Variants in GBE1 observed in about 807,000 individuals in gnomAD.
GBE1 encodes the protein 1,4-alpha-glucan branching enzyme 1, also known as 1,4-alpha-glucan-branching enzyme.
In GBE1, 70 loss-of-function variants were observed where a neutral mutation model predicts 88.8. The observed-to-expected ratio is 0.79, with a 90% CI of 0.65 to 0.96. GBE1 has a LOEUF of 0.96. GBE1 is among the 40% of genes least tolerant of loss of function. The pLI is 0.00. For synonymous variants in GBE1, 284 were observed against 300.1 expected, an observed-to-expected ratio of 0.95 and a Z score of 0.56; for missense variants, 872 against 871.0, an observed-to-expected ratio of 1.00 and a Z score of -0.01.
At chr3:81,596,876 T>C (rs1021407677) in intron 7 of GBE1, among the ~76,000 whole-genome samples, 1 of 151,946 alleles carries the variant, frequency 6.6e-6, no homozygotes, top group Non-Finnish European at 1.5e-5. Flanking sequence ...GTCTTTGAAA[T>C]AGAGCAAGCT....
chr3:81,705,998 CA>C (rs777141536), intron 1 of GBE1, among the ~76,000 whole-genome samples: 1 of 152,054 alleles, frequency 6.6e-6, no homozygotes, highest in Non-Finnish European at 1.5e-5. Context: ...AGTCAAAATT[CA>C]GCAAGAAAAA....
At chr3:81,575,866 G>C (rs998521220) in intron 12 of GBE1, among the ~76,000 whole-genome samples, 2 of 152,098 alleles carry the variant, frequency 1.3e-5, no homozygotes, top group Non-Finnish European at 2.9e-5. Flanking sequence ...TACATGGGAA[G>C]GTAGCCTTGT....
intron 14 of GBE1, among the ~76,000 whole-genome samples, chr3:81,501,686 C>CTTTTTTTTTTTTT (rs35149061): frequency 5.6e-5 from 4 of 71,994 alleles, no homozygotes; most frequent in African/African-American, 1.8e-4. Flanking sequence ...CTTAGGGGCA[C>CTTTTTTTTTTTTT]TTTTTTTTTT....
At chr3:81,626,554 C>A (rs559116903) in intron 7 of GBE1, among the ~76,000 whole-genome samples, 1 of 151,822 alleles carries the variant, frequency 6.6e-6, no homozygotes. Context: ...ACACTGAGGA[C>A]CAGAAAATAA....
intron 2 of GBE1, among the ~76,000 whole-genome samples, chr3:81,684,039 G>A (rs964550351): frequency 1.2e-4 from 19 of 152,188 alleles, no homozygotes; most frequent in African/African-American, 4.1e-4. Context: ...GTTATGGATT[G>A]TCCTTAGTGC....
intron 2 of GBE1, among the ~76,000 whole-genome samples, chr3:81,683,853 A>C (rs1705393815): frequency 6.6e-6 from 1 of 152,196 alleles, no homozygotes; most frequent in Non-Finnish European, 1.5e-5. Flanking sequence ...GAGGAAGGAG[A>C]GCTGTGAACA....
rs73125179 is a variant in GBE1 at position 81,535,576 on chromosome 3, T to A, written c.1804-251A>T. 3.1e-3 allele frequency among the ~76,000 whole-genome samples: 464 copies of A among 152,118 alleles called. 1 individual carries two copies. The highest frequency in any genetic ancestry group is 6.8e-3 in the Middle Eastern group (2 of 294). On this transcript the variant is annotated intron_variant, in intron 13 of 15. Transcript: ENST00000429644. ...CCTCATAGCACAAATAGAGAAACAG[T>A]GTTGTGGCTCAGGTTTTAAGTAAAA...
intron 1 of GBE1, among the ~76,000 whole-genome samples, chr3:81,737,333 T>A (rs865856159): frequency 8.1e-4 from 44 of 54,166 alleles, no homozygotes; most frequent in African/African-American, 2.3e-3. Flanking sequence ...ATATATATTT[T>A]TATATATATT....
intron 12 of GBE1, among the ~76,000 whole-genome samples, chr3:81,560,562 G>A (rs894054783): frequency 3.3e-5 from 5 of 151,896 alleles, no homozygotes; most frequent in African/African-American, 9.7e-5. Flanking sequence ...GAAAAGGTAT[G>A]AATTACCTAG....
intron 1 of GBE1, among the ~76,000 whole-genome samples, chr3:81,751,152 A>G (rs1429166698): frequency 6.6e-6 from 1 of 152,208 alleles, no homozygotes; most frequent in Non-Finnish European, 1.5e-5. Flanking sequence ...CAGGTCTAGC[A>G]AAGTAAAATC....
At chr3:81,695,809 T>C (rs1705582574) in intron 2 of GBE1, among the ~76,000 whole-genome samples, 1 of 152,158 alleles carries the variant, frequency 6.6e-6, no homozygotes, top group Admixed American at 6.5e-5. Context: ...TCATTCCTTC[T>C]TGCTGAAAAA....
At chr3:81,614,512 G>A (rs993840273) in intron 7 of GBE1, among the ~76,000 whole-genome samples, 2 of 152,266 alleles carry the variant, frequency 1.3e-5, no homozygotes, top group East Asian at 3.9e-4. Context: ...CAAGGCGGGG[G>A]CTGGGGTGGG....
chr3:81,698,629 A>G (rs375711470), intron 2 of GBE1, among the ~76,000 whole-genome samples: 1 of 152,194 alleles, frequency 6.6e-6, no homozygotes, highest in East Asian at 1.9e-4. Flanking sequence ...TTTATATAAA[A>G]TTATGATATA....
intron 8 of GBE1, among the ~76,000 whole-genome samples, chr3:81,592,045 T>C (rs1204806985): frequency 2.6e-5 from 4 of 152,138 alleles, no homozygotes; most frequent in African/African-American, 4.8e-5. Context: ...TATTCAAGGT[T>C]TCCAAGGTAC....
rs754115580 is a variant in GBE1 at position 81,535,227 on chromosome 3, A to G, written c.1902T>C (p.Thr634=). The G allele has an allele frequency of 1.2e-6, 2 of 1,611,362 alleles. No homozygotes were observed. Among genetic ancestry groups the G allele is most frequent in the Non-Finnish European group, 1.7e-6 (2 of 1,178,542 alleles). Residue 634 remains threonine, a synonymous_variant, in exon 14 of 16, where the codon ACT becomes ACC. Coordinates refer to ENST00000429644, the MANE Select transcript of GBE1 (RefSeq NM_000158.4). The part of the protein sequence containing the change: ...IFNFHPSKSY[T]DYRVGTALPG... ...GCAATGCTGTTCCAACTCGGTAGTCAGTGTAGCTCTTGCTTGGATGGAAGT... is the reference window on the plus strand; with the variant it reads ...GCAATGCTGTTCCAACTCGGTAGTCGGTGTAGCTCTTGCTTGGATGGAAGT...
chr3:81,616,359 A>G (rs1704248379), intron 7 of GBE1, among the ~76,000 whole-genome samples: 1 of 152,096 alleles, frequency 6.6e-6, no homozygotes. Flanking sequence ...GTTAATCTAT[A>G]ATCTATTTTA....
rs571116921 is a variant in GBE1, at chr3:81,698,749, C to T, written c.313+6695G>A. ...CCTGTAGTAGACTATAGTCTACTACCTGTGCTCAGTATTCTGTGGGAATCA... is the reference window on the plus strand; with the variant it reads ...CCTGTAGTAGACTATAGTCTACTACTTGTGCTCAGTATTCTGTGGGAATCA... On this transcript the variant is annotated intron_variant, in intron 2 of 15. Transcript: ENST00000429644. 5.3e-5 allele frequency among the ~76,000 whole-genome samples: 8 copies of T among 152,218 alleles called. No individual in the cohort carries two copies. The South Asian group carries it at 1.7e-3, about 32-fold the overall frequency.
chr3:81,563,023 G>C (rs996772778), intron 12 of GBE1, among the ~76,000 whole-genome samples: 7 of 152,030 alleles, frequency 4.6e-5, no homozygotes, highest in Admixed American at 4.6e-4. Flanking sequence ...CAAGATATCT[G>C]TGTTTAGAGC....
At chr3:81,759,676 T>A (rs1706652816) in intron 1 of GBE1, among the ~76,000 whole-genome samples, 1 of 152,162 alleles carries the variant, frequency 6.6e-6, no homozygotes, top group African/African-American at 2.4e-5. Flanking sequence ...GGACGAGACT[T>A]TTCACCAAGC....
Sources: gnomAD v4.1 joint callset for allele counts (sites outside exome capture counted in the v4.1 genomes callset) on GRCh38, gnomAD v4.1.1 for gene constraint, MANE v1.5 for transcripts, NCBI Gene and HGNC (gene_info 2026-07-23, HGNC 2026-07-21) for gene names.